The following COLGALT1 variants were observed in gnomAD, a reference collection of about 807,000 sequenced individuals.
The protein encoded by COLGALT1 is collagen beta(1-O)galactosyltransferase 1.
A neutral mutation model predicts 60.8 loss-of-function variants in COLGALT1; 43 were observed. That is an observed-to-expected ratio of 0.71 (90% CI 0.55 to 0.91). The LOEUF (loss-of-function observed/expected upper bound fraction) is 0.91, where lower values mean the gene tolerates loss of function less well. Ranked by LOEUF, COLGALT1 falls within the 40% of genes least tolerant of loss-of-function variation. The pLI, the probability that COLGALT1 is intolerant of heterozygous loss-of-function variation, is 0.00. For missense variants in COLGALT1, 845 were observed against 880.0 expected (o/e 0.96, Z 0.50); for synonymous variants, 369 against 374.2 (o/e 0.99, Z 0.16).
Position 17,582,090 on chromosome 19 carries a change from G to C in COLGALT1, c.*646G>C, listed in dbSNP as rs760747994. On this transcript the variant is annotated 3_prime_UTR_variant, in exon 12 of 12. Coordinates refer to ENST00000252599, the MANE Select transcript of COLGALT1 (RefSeq NM_024656.4). The stretch of plus-strand genomic sequence containing the variant: ...CATCTGGCTAGTTTTTGTATTTTTA[G>C]TAGAGACGGGGTTTCACCATGTTGG... 3 of 152,748 alleles carry C rather than the reference G, an allele frequency of 2.0e-5. No homozygotes were observed. The highest frequency in any genetic ancestry group is 7.2e-5 in the African/African-American group (3 of 41,386). 9.5% of individuals were successfully genotyped at this position (152,748 alleles called of 1,614,324 possible).
chr19:17,559,004 CA>C (rs764140153), intron 1 of COLGALT1, among the ~76,000 whole-genome samples: 18 of 151,892 alleles, frequency 1.2e-4, no homozygotes, highest in African/African-American at 4.3e-4. Context: ...ACTAAAAATA[CA>C]AAAAAATTAG....
At chr19:17,559,880 T>C (rs1192152164) in intron 2 of COLGALT1, among the ~76,000 whole-genome samples, 1 of 152,102 alleles carries the variant, frequency 6.6e-6, no homozygotes, top group Non-Finnish European at 1.5e-5. Context: ...CTTTAACTCC[T>C]GGGCTCAAGC....
intron 9 of COLGALT1, 39 bp downstream of exon 9, chr19:17,578,128 C>G (rs765175288): frequency 6.6e-7 from 1 of 1,526,690 alleles, no homozygotes; most frequent in Admixed American, 1.9e-5. Flanking sequence ...AGTTATGACT[C>G]TAGATCTCAT....
At chr19:17,572,108 G>A (rs1286865300) in intron 5 of COLGALT1, among the ~76,000 whole-genome samples, 5 of 152,034 alleles carry the variant, frequency 3.3e-5, no homozygotes, top group African/African-American at 1.2e-4. Flanking sequence ...TCAGGAGATC[G>A]AGACCATCCT....
At chr19:17,578,519 C>G (rs2076358956) in intron 9 of COLGALT1, among the ~76,000 whole-genome samples, 1 of 152,298 alleles carries the variant, frequency 6.6e-6, no homozygotes, top group Admixed American at 6.5e-5. Context: ...GAGGGAGAGG[C>G]TGTGATTGGA....
chr19:17,579,655 G>C lies in COLGALT1; in HGVS notation c.1394+46G>C, dbSNP rs761711317. 3.2e-6 allele frequency: 5 copies of C among 1,576,350 alleles called. No homozygotes were observed. The South Asian group carries it at 4.5e-5, about 14-fold the overall frequency. On this transcript the variant is annotated intron_variant, in intron 10 of 11. Transcript: ENST00000252599. Reference sequence around the variant, plus strand: ...GGGGTGAAGCTGGGGCCTGGGGCAAGGCCAGGACTTAGAGGTGGGGGTGGG... The same window carrying C: ...GGGGTGAAGCTGGGGCCTGGGGCAACGCCAGGACTTAGAGGTGGGGGTGGG...
In COLGALT1 at chr19:17,577,217, C is replaced by T; in HGVS notation, c.972C>T (p.Pro324=). The change falls in exon 7 of 12, where the codon CCC becomes CCT. Residue 324 remains proline, a synonymous_variant. Coordinates refer to ENST00000252599, the MANE Select transcript of COLGALT1 (RefSeq NM_024656.4). ...EVMVKHPPAE[P]SRFISAPTKT... ...CAGTGAAGCACCCGCCCGCAGAGCC[C>T]TCCCGCTTCATCTCGGCTCCCACCA... 1 of 1,612,770 alleles carries T rather than the reference C, an allele frequency of 6.2e-7. No individual in the cohort carries two copies. Among genetic ancestry groups the T allele is most frequent in the Non-Finnish European group, 8.5e-7 (1 of 1,179,556 alleles).
intron 8 of COLGALT1, among the ~76,000 whole-genome samples, 193 bp downstream of exon 8, chr19:17,577,660 A>G (rs2076352869): frequency 1.3e-5 from 2 of 152,132 alleles, no homozygotes; most frequent in Admixed American, 6.5e-5. Context: ...GTTGTAGACC[A>G]TGGAAGGCAA....
intron 6 of COLGALT1, among the ~76,000 whole-genome samples, chr19:17,576,616 G>A (rs546338023): frequency 1.3e-5 from 2 of 150,706 alleles, no homozygotes; most frequent in African/African-American, 2.4e-5. Flanking sequence ...GGTGTGACCA[G>A]GACTTAGAAG....
At chr19:17,576,416 G>T (rs1315329661) in intron 6 of COLGALT1, among the ~76,000 whole-genome samples, 2 of 151,912 alleles carry the variant, frequency 1.3e-5, no homozygotes, top group East Asian at 3.9e-4. Flanking sequence ...ATGTGCAAAG[G>T]CCCTGAGGTA....
chr19:17,573,978 T>TATAA (rs986374573), intron 6 of COLGALT1, among the ~76,000 whole-genome samples: 4 of 152,020 alleles, frequency 2.6e-5, no homozygotes, highest in Non-Finnish European at 4.4e-5. Flanking sequence ...CCAGACCCTG[T>TATAA]ATCAATAAAT....
chr19:17,559,557 C>T, intron 2 of COLGALT1, 136 bp downstream of exon 2: 4 of 675,724 alleles, frequency 5.9e-6, no homozygotes, highest in South Asian at 3.5e-5. Flanking sequence ...CATTAAGCTA[C>T]TCTGAGCCTC....
intron 3 of COLGALT1, among the ~76,000 whole-genome samples, chr19:17,564,410 C>T (rs1048754790): frequency 2.9e-5 from 4 of 137,788 alleles, no homozygotes; most frequent in African/African-American, 5.3e-5. Flanking sequence ...AGAAAAACAT[C>T]TACTTTTTTT....
intron 2 of COLGALT1, among the ~76,000 whole-genome samples, chr19:17,560,063 C>T (rs563688506): frequency 2.0e-5 from 3 of 152,246 alleles, no homozygotes; most frequent in East Asian, 1.9e-4. Context: ...GTGCTGGGAT[C>T]GCAGGCGTGG....
intron 6 of COLGALT1, among the ~76,000 whole-genome samples, chr19:17,575,995 G>A (rs993148341): frequency 6.6e-6 from 1 of 152,188 alleles, no homozygotes; most frequent in Non-Finnish European, 1.5e-5. Context: ...ATCTCTTTGT[G>A]AAACCTCTCA....
At chr19:17,572,720 G>A (rs541042084) in intron 6 of COLGALT1, 118 bp downstream of exon 6, 4 of 1,444,200 alleles carry the variant, frequency 2.8e-6, no homozygotes, top group Middle Eastern at 2.4e-4. Flanking sequence ...CCTGTGGGGG[G>A]TGCTGGGTGC....
At chr19:17,561,954 T>G (rs1027614139) in intron 3 of COLGALT1, among the ~76,000 whole-genome samples, 1 of 152,160 alleles carries the variant, frequency 6.6e-6, no homozygotes, top group Admixed American at 6.6e-5. Context: ...CACTGCAGCC[T>G]CCTCCTCCTG....
At chr19:17,573,852 C>T (rs1386290119) in intron 6 of COLGALT1, among the ~76,000 whole-genome samples, 1 of 150,488 alleles carries the variant, frequency 6.6e-6, no homozygotes, top group African/African-American at 2.4e-5. Context: ...CGTGATGGCA[C>T]ACACCTGTGG....
chr19:17,577,590 G>C lies in COLGALT1; in HGVS notation c.1133+123G>C, dbSNP rs543101941. The C allele has an allele frequency of 4.2e-5, 36 of 864,324 alleles. No homozygotes were observed. In the South Asian group the frequency reaches 6.0e-4, roughly 14 times the overall value. 53.5% of individuals were successfully genotyped at this position (864,324 alleles called of 1,614,324 possible). On this transcript the variant is annotated intron_variant, in intron 8 of 11. Coordinates refer to ENST00000252599, the MANE Select transcript of COLGALT1 (RefSeq NM_024656.4). ...TGGTGTCCAAACAGATGTAGACCTC[G>C]TCAGTGGGCGTCCTGAAGGGGAAGT...
Sources: allele counts gnomAD v4.1 joint callset (sites outside exome capture counted in the v4.1 genomes callset), GRCh38; gene constraint gnomAD v4.1.1; transcripts MANE v1.5; gene names NCBI Gene and HGNC (gene_info 2026-07-23, HGNC 2026-07-21).